TEX9: variants seen among roughly 807,000 people sequenced by gnomAD.
TEX9 encodes testis expressed 9.
TEX9 carries 74 observed loss-of-function variants against 59.6 expected under a neutral mutation model. The observed-to-expected ratio is 1.24, with a 90% confidence interval of 1.03 to 1.51. The LOEUF is 1.51. Among genes scored for constraint, TEX9 ranks in the 40% most tolerant of loss-of-function variants. TEX9 has a pLI of 0.00. For synonymous variants in TEX9, 186 were observed against 152.2 expected (o/e 1.22, Z -1.64); for missense variants, 522 against 447.8 (o/e 1.17, Z -1.49).
upstream of TEX9, among the ~76,000 whole-genome samples, chr15:56,360,452 A>C (rs552155060): frequency 9.2e-5 from 14 of 152,298 alleles, no homozygotes; most frequent in Admixed American, 5.2e-4. Flanking sequence ...GTATCTTTCA[A>C]GTAATTGGTC....
At chr15:56,400,676 A>T (rs146017139) in intron 9 of TEX9, among the ~76,000 whole-genome samples, 84 of 152,286 alleles carry the variant, frequency 5.5e-4, no homozygotes, top group African/African-American at 1.9e-3. Flanking sequence ...ACCAAGATAC[A>T]TAACTGTCAG....
chr15:56,408,452 C>G (rs747845938), intron 9 of TEX9: 14 of 152,226 alleles, frequency 9.2e-5, no homozygotes, highest in Non-Finnish European at 1.6e-4. Context: ...TCTTCTCTGT[C>G]TATATCTAAT....
Position 56,437,855 on chromosome 15 carries a change from T to TC in TEX9, c.*30-7815dup, listed in dbSNP as rs1484338024. Reference sequence around the variant, plus strand: ...ACAGAGAGCCAAATCATGAGTGAACTCGATTCACAATTGCTTCAAAGAGAA... The same window carrying TC: ...ACAGAGAGCCAAATCATGAGTGAACTCCGATTCACAATTGCTTCAAAGAGAA... On this transcript the variant is annotated intron_variant, in intron 12 of 12. Transcript: ENST00000352903. Among the ~76,000 whole-genome samples the TC allele has an allele frequency of 8.0e-3, 1,212 of 152,012 alleles. 17 individuals carry two copies. The highest frequency in any genetic ancestry group is 0.027 in the African/African-American group (1,134 of 41,386).
chr15:56,290,070 G>A (rs745919976), intron 1 of TEX9, among the ~76,000 whole-genome samples: 18 of 152,152 alleles, frequency 1.2e-4, no homozygotes, highest in African/African-American at 2.9e-4. Context: ...GGGCAGACTC[G>A]ATACAGCCAT....
chr15:56,376,861 C>T (rs113349226), intron 3 of TEX9, among the ~76,000 whole-genome samples: 157 of 152,184 alleles, frequency 1.0e-3, no homozygotes, highest in African/African-American at 3.6e-3. Flanking sequence ...CCAATGTTTT[C>T]TTATAGTAAT....
chr15:56,323,798 A>G (rs2045959302), intron 1 of TEX9: 1 of 213,014 alleles, frequency 4.7e-6, no homozygotes, highest in Admixed American at 4.2e-5. Context: ...AAGAGGAAGA[A>G]AAAAGTAGTA....
At chr15:56,440,214 C>T (rs2050795655) in intron 12 of TEX9, among the ~76,000 whole-genome samples, 2 of 152,090 alleles carry the variant, frequency 1.3e-5, no homozygotes, top group Non-Finnish European at 2.9e-5. Flanking sequence ...AATAAAACTA[C>T]AAGGTATCAC....
chr15:56,278,205 C>A (rs1247499370), intron 1 of TEX9, among the ~76,000 whole-genome samples: 1 of 152,128 alleles, frequency 6.6e-6, no homozygotes, highest in East Asian at 1.9e-4. Flanking sequence ...GGGTCTCCTT[C>A]TATTCTCTAT....
chr15:56,345,612 G>A (rs1200839384), intron 1 of TEX9, among the ~76,000 whole-genome samples: 1 of 152,148 alleles, frequency 6.6e-6, no homozygotes, highest in African/African-American at 2.4e-5. Flanking sequence ...TTTTAAGGGG[G>A]AAGTGTCAGC....
rs1222956441 is a variant in TEX9, at chr15:56,434,388, G to A, written c.*29+5915G>A. On this transcript the variant is annotated intron_variant, in intron 12 of 12. Coordinates refer to ENST00000352903, the Ensembl canonical transcript of TEX9. The stretch of plus-strand genomic sequence containing the variant: ...TTTTTGCTTTCTCAATTTCTTTTCT[G>A]CTTCTTCCTAAACAATACAGCTGAA... The A allele has an allele frequency of 2.5e-6, 4 of 1,610,046 alleles. No individual in the cohort carries two copies. In the African/African-American group the frequency reaches 5.4e-5, roughly 22 times the overall value.
intron 12 of TEX9, chr15:56,443,695 T>C (rs771984646): frequency 1.9e-6 from 3 of 1,613,478 alleles, no homozygotes; most frequent in African/African-American, 2.7e-5. Flanking sequence ...CCATCCGATC[T>C]TCTTCTCTTT....
rs552564792 is a variant in TEX9, at chr15:56,397,099, T to C, written c.828+2265T>C. The stretch of plus-strand genomic sequence containing the variant: ...AAGTTTGGAACTCCCTAGAGACTTG[T>C]TGAATGGCTTTGACCAATATACTGA... On this transcript the variant is annotated intron_variant, in intron 9 of 12. Coordinates refer to ENST00000352903, the Ensembl canonical transcript of TEX9. 3.5e-4 allele frequency: 54 copies of C among 155,128 alleles called. No homozygotes were observed. The South Asian group carries it at 0.011, about 31-fold the overall frequency. The allele number at this position is 155,128 out of a possible 1,614,324, so 9.6% of individuals were successfully genotyped here.
chr15:56,316,414 G>A (rs1393426666), intron 1 of TEX9, among the ~76,000 whole-genome samples: 1 of 126,740 alleles, frequency 7.9e-6, no homozygotes, highest in Non-Finnish European at 1.7e-5. Context: ...CCTGCCGTGT[G>A]AGGCGTCAGT....
intron 1 of TEX9, among the ~76,000 whole-genome samples, chr15:56,292,371 G>A (rs1352458216): frequency 6.6e-6 from 1 of 152,204 alleles, no homozygotes; most frequent in Non-Finnish European, 1.5e-5. Context: ...ATCATGAAGA[G>A]GAAGGACTAT....
At chr15:56,331,185 G>T (rs1330527424) in intron 1 of TEX9, among the ~76,000 whole-genome samples, 1 of 152,128 alleles carries the variant, frequency 6.6e-6, no homozygotes, top group African/African-American at 2.4e-5. Context: ...GAGAGAGATA[G>T]ACCTCAATAT....
chr15:56,379,081 AAAAG>A (rs201355548), intron 3 of TEX9, among the ~76,000 whole-genome samples: 45,868 of 129,558 alleles, frequency 0.35, 7,745 homozygotes, highest in Non-Finnish European at 0.42. Flanking sequence ...CAAAAAAAAA[AAAAG>A]AAAGAAAGAA....
chr15:56,303,466 A>G (rs1194825537), intron 1 of TEX9, among the ~76,000 whole-genome samples: 1 of 152,136 alleles, frequency 6.6e-6, no homozygotes, highest in Non-Finnish European at 1.5e-5. Flanking sequence ...AGAAATTAAG[A>G]GAAATTTAAA....
Position 56,442,369 on chromosome 15 carries a change from TACCCA to T in TEX9, c.*30-3300_*30-3296del, listed in dbSNP as rs371298891. Among the ~76,000 whole-genome samples, 151 of 152,314 alleles carry T rather than the reference TACCCA, an allele frequency of 9.9e-4. 2 individuals carry two copies. The East Asian group carries it at 0.018, about 18-fold the overall frequency. ...AATTACCATTTGATTGCTGGGTTTA[TACCCA>T]ATGGGATTGCTGGGTATATACCCAA... is the stretch of plus-strand genomic sequence containing the variant. On this transcript the variant is annotated intron_variant, in intron 12 of 12. Coordinates refer to ENST00000352903, the Ensembl canonical transcript of TEX9.
At chr15:56,456,268 T>C in the TEX9 span, 7 of 817,816 alleles carry the variant, frequency 8.6e-6, no homozygotes, top group Non-Finnish European at 1.2e-5. Context: ...GCAATAAGTA[T>C]TTCCAGGTAA....
Sources: allele counts gnomAD v4.1 joint callset (sites outside exome capture counted in the v4.1 genomes callset), GRCh38; gene constraint gnomAD v4.1.1; transcripts MANE v1.5; gene names NCBI Gene and HGNC (gene_info 2026-07-23, HGNC 2026-07-21).